The following PCDH7 variants were observed in gnomAD, a reference collection of about 807,000 sequenced individuals.
PCDH7 encodes protocadherin-7.
In PCDH7, 17 loss-of-function variants were observed where a neutral mutation model predicts 58.9. The ratio of observed to expected loss-of-function variants is 0.29; its 90% confidence interval spans 0.20 to 0.43. PCDH7 has a LOEUF of 0.43. Among genes scored for constraint, PCDH7 ranks in the 20% least tolerant of loss-of-function variants. The pLI is 1.00. For synonymous variants in PCDH7, 664 were observed against 616.4 expected (o/e 1.08, Z -1.14); for missense variants, 1,274 against 1,441.0 (o/e 0.88, Z 1.88).
At chr4:30,982,671 A>T (rs577233715) in intron 3 of PCDH7, among the ~76,000 whole-genome samples, 12 of 152,300 alleles carry the variant, frequency 7.9e-5, no homozygotes, top group African/African-American at 2.9e-4. Flanking sequence ...TTATATATAA[A>T]ATGCTATTAT....
intron 3 of PCDH7, among the ~76,000 whole-genome samples, chr4:31,032,658 GGA>G (rs1212577019): frequency 1.1e-4 from 10 of 95,124 alleles, no homozygotes; most frequent in African/African-American, 4.1e-4. Flanking sequence ...GAGAGAGAGA[GGA>G]AGGAAGGAAG....
chr4:30,790,620 C>CT (rs1371175816), intron 1 of PCDH7, among the ~76,000 whole-genome samples: 1 of 152,154 alleles, frequency 6.6e-6, no homozygotes, highest in Non-Finnish European at 1.5e-5. Flanking sequence ...AGAAGATCTG[C>CT]TTTAAATATT....
chr4:31,098,558 T>A (rs1714477169), intron 3 of PCDH7, among the ~76,000 whole-genome samples: 1 of 152,190 alleles, frequency 6.6e-6, no homozygotes. Context: ...TGGACTCTGG[T>A]ACCAAACTAC....
chr4:31,055,204 T>C (rs1757053364), intron 3 of PCDH7, among the ~76,000 whole-genome samples: 1 of 152,206 alleles, frequency 6.6e-6, no homozygotes, highest in Admixed American at 6.6e-5. Flanking sequence ...GTTGTATTTA[T>C]ATAACCTCCT....
intron 1 of PCDH7, among the ~76,000 whole-genome samples, chr4:30,745,311 T>G (rs2109252458): frequency 6.6e-6 from 1 of 152,150 alleles, no homozygotes; most frequent in East Asian, 1.9e-4. Flanking sequence ...GGAGAACAAT[T>G]ATAATGACTT....
chr4:30,779,224 C>T (rs1722480343), intron 1 of PCDH7, among the ~76,000 whole-genome samples: 1 of 151,858 alleles, frequency 6.6e-6, no homozygotes, highest in Non-Finnish European at 1.5e-5. Context: ...GGGGTTTTGC[C>T]ATGTTGCCCA....
intron 3 of PCDH7, among the ~76,000 whole-genome samples, chr4:30,995,510 C>T (rs1324855196): frequency 1.4e-5 from 2 of 144,458 alleles, no homozygotes; most frequent in Non-Finnish European, 3.1e-5. Context: ...AGACTCCCTC[C>T]CAAAGGAAAA....
chr4:31,103,469 G>T (rs1373194713), intron 3 of PCDH7, among the ~76,000 whole-genome samples: 1 of 151,930 alleles, frequency 6.6e-6, no homozygotes, highest in Non-Finnish European at 1.5e-5. Context: ...CAAGTAGCTG[G>T]GATTACAGGT....
chr4:30,969,252 T>C (rs746945531), intron 3 of PCDH7, among the ~76,000 whole-genome samples: 1 of 152,082 alleles, frequency 6.6e-6, no homozygotes, highest in Non-Finnish European at 1.5e-5. Flanking sequence ...GCATAAAGAG[T>C]CCCTGGACAT....
intron 1 of PCDH7, among the ~76,000 whole-genome samples, chr4:30,754,903 A>G (rs535447074): frequency 6.6e-6 from 1 of 152,192 alleles, no homozygotes; most frequent in African/African-American, 2.4e-5. Flanking sequence ...GGAAGTCCAC[A>G]TTGATGGGGA....
Position 30,721,592 on chromosome 4 carries a change from T to C in PCDH7, c.170T>C (p.Ile57Thr). 3 of 1,610,730 alleles carry C rather than the reference T, an allele frequency of 1.9e-6. No individual in the cohort carries two copies. The highest frequency in any genetic ancestry group is 2.5e-6 in the Non-Finnish European group (3 of 1,179,874). ...GGCAACGTGGCTTCAGACCTGGGCA[T>C]CGTGACCGGATCGGGTGAGGTGACT... is the stretch of plus-strand genomic sequence containing the variant. The change falls in exon 1 of 2, where the codon ATC becomes ACC. Residue 57 changes from isoleucine (I) to threonine (T), a missense_variant. By Grantham distance (89) the Ile-to-Thr change is moderately conservative (BLOSUM62 -1). Transcript: ENST00000361762. This position sits in a 1 kb window ranked among gnomAD's most constrained non-coding sequence, Gnocchi z 6.7.
At chr4:30,779,263 A>T (rs923119066) in intron 1 of PCDH7, among the ~76,000 whole-genome samples, 2 of 151,912 alleles carry the variant, frequency 1.3e-5, no homozygotes, top group Non-Finnish European at 2.9e-5. Context: ...ACACTCAGGC[A>T]ATCTGCCCGC....
chr4:30,797,027 C>G (rs547734175), intron 1 of PCDH7, among the ~76,000 whole-genome samples: 1 of 151,666 alleles, frequency 6.6e-6, no homozygotes, highest in African/African-American at 2.4e-5. Flanking sequence ...GTGGTGCGAT[C>G]TCGGCTCACT....
intron 1 of PCDH7, among the ~76,000 whole-genome samples, chr4:30,915,374 A>C (rs868450427): frequency 1.4e-4 from 22 of 152,190 alleles, no homozygotes; most frequent in Admixed American, 1.3e-3. Context: ...TGGCCTTCTA[A>C]AGGATAAATC....
At chr4:30,904,162 G>C (rs940906708) in intron 1 of PCDH7, among the ~76,000 whole-genome samples, 2 of 152,028 alleles carry the variant, frequency 1.3e-5, no homozygotes, top group African/African-American at 4.8e-5. Flanking sequence ...TACTATATAA[G>C]TTTTCTATTG....
chr4:30,797,382 C>G (rs1291772955), intron 1 of PCDH7, among the ~76,000 whole-genome samples: 2 of 151,972 alleles, frequency 1.3e-5, no homozygotes, highest in Non-Finnish European at 2.9e-5. Flanking sequence ...ACACCTTTCT[C>G]CTGCCTCAGC....
At chr4:31,116,148 C>G (rs1334375076) in intron 3 of PCDH7, among the ~76,000 whole-genome samples, 1 of 152,158 alleles carries the variant, frequency 6.6e-6, no homozygotes, top group Non-Finnish European at 1.5e-5. Flanking sequence ...GTGCCTCTGA[C>G]ACTACAAGAG....
At chr4:30,925,153 C>T (rs946197885) in intron 2 of PCDH7, among the ~76,000 whole-genome samples, 1 of 152,036 alleles carries the variant, frequency 6.6e-6, no homozygotes, top group Non-Finnish European at 1.5e-5. Context: ...TGCATTATAC[C>T]TTGTCCTTGA....
chr4:31,079,825 A>G (rs553799096), intron 3 of PCDH7, among the ~76,000 whole-genome samples: 54 of 152,252 alleles, frequency 3.5e-4, no homozygotes, highest in African/African-American at 1.2e-3. Flanking sequence ...GGATTCATAC[A>G]ATGTAGAATT....
Sources: allele counts gnomAD v4.1 joint callset (sites outside exome capture counted in the v4.1 genomes callset), GRCh38; gene constraint gnomAD v4.1.1; non-coding constraint Gnocchi (gnomAD v3.1); transcripts MANE v1.5; gene names NCBI Gene and HGNC (gene_info 2026-07-23, HGNC 2026-07-21).